PTPN13: variants seen among roughly 807,000 people sequenced by gnomAD.
PTPN13 encodes tyrosine-protein phosphatase non-receptor type 13.
Under a neutral mutation model 284.0 loss-of-function variants are expected in PTPN13, and 191 were observed. That is an observed-to-expected ratio of 0.67 (90% CI 0.60 to 0.76). The LOEUF (loss-of-function observed/expected upper bound fraction) is 0.76, where lower values mean the gene tolerates loss of function less well. PTPN13 is among the 30% of genes least tolerant of loss of function. The pLI, the probability that PTPN13 is intolerant of heterozygous loss-of-function variation, is 0.00. For synonymous variants in PTPN13, 986 were observed against 1,022.3 expected (o/e 0.96, Z 0.68); for missense variants, 2,797 against 2,939.9 (o/e 0.95, Z 1.12).
chr4:86,774,628 T>A, intron 33 of PTPN13, 97 bp downstream of exon 33: 2 of 1,170,984 alleles, frequency 1.7e-6, no homozygotes, highest in Non-Finnish European at 1.1e-6. Flanking sequence ...TATTTATCTA[T>A]TCGGTTTATG....
Position 86,765,440 on chromosome 4 carries a change from G to A in PTPN13, c.4195G>A (p.Ala1399Thr), listed in dbSNP as rs1158091283. The A allele has an allele frequency of 7.5e-6, 12 of 1,602,876 alleles. No homozygotes were observed. Among genetic ancestry groups the A allele is most frequent in the African/African-American group, 1.3e-5 (1 of 74,742 alleles). The change falls in exon 26 of 48, where the codon GCT becomes ACT. Residue 1399 changes from alanine to threonine, a missense_variant. Transcript: ENST00000411767. ...CAGACATGGTGGCATTTATGTGAAA[G>A]CTGTTATTCCCCAGGGAGCAGCAGA... The part of the protein sequence containing the change: ...SVRHGGIYVK[A>T]VIPQGAAESD...
intron 17 of PTPN13, among the ~76,000 whole-genome samples, chr4:86,747,575 CAGCAGCAGT>C (rs1275476185): frequency 1.9e-4 from 24 of 127,692 alleles, no homozygotes; most frequent in Non-Finnish European, 3.7e-4. Flanking sequence ...GCAGCAGCAG[CAGCAGCAGT>C]AGTAGTAGTA....
rs530827726 is a variant in PTPN13, at chr4:86,665,688, A to T, written c.116-6677A>T. Among the ~76,000 whole-genome samples the T allele has an allele frequency of 3.3e-5, 5 of 152,346 alleles. No individual in the cohort carries two copies. The South Asian group carries it at 6.2e-4, about 19-fold the overall frequency. On this transcript the variant is annotated intron_variant, in intron 2 of 47. Coordinates refer to ENST00000411767, the MANE Select transcript of PTPN13 (RefSeq NM_080683.3). The stretch of plus-strand genomic sequence containing the variant: ...TTTAGGATACTTTGTACCTTAAATC[A>T]TTTGTATTTCTAATATTTTTTTCTA...
At chr4:86,620,402 G>A (rs1410554698) in intron 1 of PTPN13, among the ~76,000 whole-genome samples, 5 of 152,108 alleles carry the variant, frequency 3.3e-5, no homozygotes, top group African/African-American at 1.2e-4. Context: ...CAAGCAGTTT[G>A]TCCACTCTGG....
In PTPN13 at chr4:86,803,852, C is replaced by G; in HGVS notation, c.6649C>G (p.Leu2217Val). The stretch of plus-strand genomic sequence containing the variant: ...AGATCAAGGAATTCCTTCTAAGGAG[C>G]TGGAGGTAAGTGGCTTCTGCCAATG... ...LLDQGIPSKELENLQELKPLD... is the reference protein window; with the variant it reads ...LLDQGIPSKEVENLQELKPLD... The change falls in exon 43 of 48, where the codon CTG becomes GTG. Residue 2217 changes from leucine (L) to valine (V), a missense_variant. Leu to Val is a conservative substitution (Grantham distance 32). Coordinates refer to ENST00000411767, the MANE Select transcript of PTPN13 (RefSeq NM_080683.3). 1 of 1,613,060 alleles carries G rather than the reference C, an allele frequency of 6.2e-7. No homozygotes were observed. Among genetic ancestry groups the G allele is most frequent in the Non-Finnish European group, 8.5e-7 (1 of 1,179,306 alleles).
chr4:86,734,906 T>G (rs1735325589), intron 14 of PTPN13, 31 bp downstream of exon 14: 11 of 1,598,186 alleles, frequency 6.9e-6, no homozygotes, highest in African/African-American at 1.3e-5. Flanking sequence ...CAGGACCATT[T>G]TTGTTTGGTG....
chr4:86,677,218 G>T (rs1315489834), intron 3 of PTPN13, among the ~76,000 whole-genome samples: 1 of 151,862 alleles, frequency 6.6e-6, no homozygotes, highest in Non-Finnish European at 1.5e-5. Flanking sequence ...AGTGAGCGGA[G>T]ATCGCGCCAC....
At chr4:86,767,669 TA>T in intron 27 of PTPN13, 147 bp from the exon 28 acceptor site, 1 of 580,516 alleles carries the variant, frequency 1.7e-6, no homozygotes, top group Non-Finnish European at 2.9e-6. Context: ...TTTGTTCCTC[TA>T]TTTTTTTTTT....
chr4:86,784,333 A>C (rs1273632005), intron 37 of PTPN13, 132 bp from the exon 38 acceptor site: 2 of 587,394 alleles, frequency 3.4e-6, no homozygotes, highest in African/African-American at 3.9e-5. Context: ...CCTTTCAAAC[A>C]CTGATCTAAG....
At chr4:86,743,994 C>T (rs1465014035) in intron 16 of PTPN13, among the ~76,000 whole-genome samples, 1 of 152,168 alleles carries the variant, frequency 6.6e-6, no homozygotes, top group Non-Finnish European at 1.5e-5. Context: ...GGGTCACCAG[C>T]AAGCCTTACC....
In PTPN13 at chr4:86,766,439, C is replaced by G. The variant is rs750876206; in HGVS notation, c.4251C>G (p.Arg1417=). 1.9e-5 allele frequency: 30 copies of G among 1,605,084 alleles called. No individual in the cohort carries two copies. The highest frequency in any genetic ancestry group is 2.5e-5 in the Non-Finnish European group (29 of 1,177,302). The change falls in exon 27 of 48, where the codon CGC becomes CGG. Residue 1417 remains arginine, a synonymous_variant. Transcript: ENST00000411767. ...ESDGRIHKGD[R]VLAVNGVSLE... is the part of the protein sequence containing the mutation. ...GAACTGCCTAATTTTTAGGTGATCG[C>G]GTCCTAGCTGTCAATGGAGTTAGTC... is the stretch of plus-strand genomic sequence containing the variant.
At chr4:86,753,647 G>A (rs1014018174) in intron 20 of PTPN13, among the ~76,000 whole-genome samples, 3 of 152,074 alleles carry the variant, frequency 2.0e-5, no homozygotes, top group Admixed American at 2.0e-4. Context: ...AAACAAAATC[G>A]TAGGCAGAAG....
chr4:86,613,462 G>A (rs1720160092), intron 1 of PTPN13, among the ~76,000 whole-genome samples: 1 of 151,960 alleles, frequency 6.6e-6, no homozygotes, highest in African/African-American at 2.4e-5. Flanking sequence ...AGTGAAACCC[G>A]TGTCTACTAA....
chr4:86,791,372 C>T (rs759932373), intron 40 of PTPN13, among the ~76,000 whole-genome samples: 1 of 152,188 alleles, frequency 6.6e-6, no homozygotes, highest in African/African-American at 2.4e-5. Flanking sequence ...CAGAGCCCAC[C>T]GCAACTCAGC....
intron 2 of PTPN13, among the ~76,000 whole-genome samples, chr4:86,639,083 T>G (rs1479595921): frequency 6.6e-6 from 1 of 152,020 alleles, no homozygotes; most frequent in African/African-American, 2.4e-5. Flanking sequence ...AAAATGCTCA[T>G]CATCACTGGC....
chr4:86,809,632 A>C (rs1348854575), intron 45 of PTPN13, 137 bp from the exon 46 acceptor site: 12 of 715,208 alleles, frequency 1.7e-5, no homozygotes, highest in Non-Finnish European at 2.6e-5. Flanking sequence ...CGGAGGCTGC[A>C]GTGAGCCGAG....
At chr4:86,811,182 AT>A in intron 47 of PTPN13, 74 bp downstream of exon 47, 4 of 1,398,124 alleles carry the variant, frequency 2.9e-6, no homozygotes, top group South Asian at 1.5e-5. Flanking sequence ...TTATTAAACC[AT>A]TTTTCTTTTT....
intron 1 of PTPN13, among the ~76,000 whole-genome samples, chr4:86,608,939 C>G (rs188635740): frequency 6.6e-6 from 1 of 152,254 alleles, no homozygotes; most frequent in African/African-American, 2.4e-5. Context: ...TTCTTTTCTT[C>G]TCCTTTGAAT....
chr4:86,703,446 A>C (rs901541410), intron 7 of PTPN13, among the ~76,000 whole-genome samples: 6 of 152,050 alleles, frequency 3.9e-5, no homozygotes, highest in Non-Finnish European at 8.8e-5. Flanking sequence ...TGAAAAAAAA[A>C]AAACCTTCAA....
Sources: allele counts gnomAD v4.1 joint callset (sites outside exome capture counted in the v4.1 genomes callset), GRCh38; gene constraint gnomAD v4.1.1; transcripts MANE v1.5; gene names NCBI Gene and HGNC (gene_info 2026-07-23, HGNC 2026-07-21).